NCKAP1: variants seen among roughly 807,000 people sequenced by gnomAD.
The protein encoded by NCKAP1 is NCK associated protein 1, also known as nck-associated protein 1.
In NCKAP1, 21 loss-of-function variants were observed where a neutral mutation model predicts 151.2. That is an observed-to-expected ratio of 0.14 (90% CI 0.10 to 0.20). The LOEUF is 0.20. Among genes scored for constraint, NCKAP1 ranks in the 10% least tolerant of loss-of-function variants. NCKAP1 has a pLI of 1.00. For synonymous variants in NCKAP1, 484 were observed against 451.8 expected, an observed-to-expected ratio of 1.07 and a Z score of -0.90; for missense variants, 933 against 1,352.1, an observed-to-expected ratio of 0.69 and a Z score of 4.86.
intron 1 of NCKAP1, among the ~76,000 whole-genome samples, chr2:183,033,644 C>G (rs1699048432): frequency 6.6e-6 from 1 of 152,134 alleles, no homozygotes; most frequent in Non-Finnish European, 1.5e-5. Context: ...TTGAGAGTAA[C>G]TGAAAGAATA....
rs992370493 is a variant in NCKAP1, at chr2:182,925,286, A to T, written c.*416T>A. ...CACATCCAATGTTGTTTTCAATAAG[A>T]ACCATAGGTACAGATCAGAACTCTT... On this transcript the variant is annotated 3_prime_UTR_variant, in exon 31 of 31. Coordinates refer to ENST00000361354, the MANE Select transcript of NCKAP1 (RefSeq NM_013436.5). The T allele has an allele frequency of 6.6e-6, 1 of 152,286 alleles. No homozygotes were observed. The highest frequency in any genetic ancestry group is 1.5e-5 in the Non-Finnish European group (1 of 68,062). 9.4% of individuals were successfully genotyped at this position (152,286 alleles called of 1,614,324 possible). A position where few individuals can be genotyped will look rare whatever the true frequency, so the allele number is the denominator to read the frequency against.
At chr2:182,972,180 G>A (rs184849696) in intron 15 of NCKAP1, among the ~76,000 whole-genome samples, 177 of 139,662 alleles carry the variant, frequency 1.3e-3, no homozygotes, top group Non-Finnish European at 2.4e-3. Flanking sequence ...AACAGACAAG[G>A]CATTAACAAT....
At chr2:183,008,685 C>T (rs754404936) in intron 2 of NCKAP1, among the ~76,000 whole-genome samples, 2 of 152,152 alleles carry the variant, frequency 1.3e-5, no homozygotes, top group Non-Finnish European at 2.9e-5. Context: ...GTAGATACTA[C>T]CAATTTTAAA....
chr2:182,942,131 T>C lies in NCKAP1; in HGVS notation c.2634A>G (p.Thr878=). The part of the protein sequence containing the change: ...KLVVENVDVL[T]QMRTSFDKPD... ...GTTTGTCAAAGCTGGTCCTCATTTGTGTTAACACATCAACATTCTCCACCA... is the reference window on the plus strand; with the variant it reads ...GTTTGTCAAAGCTGGTCCTCATTTGCGTTAACACATCAACATTCTCCACCA... The change falls in exon 24 of 31, where the codon ACA becomes ACG. Residue 878 remains threonine, a synonymous_variant. Coordinates refer to ENST00000361354, the MANE Select transcript of NCKAP1 (RefSeq NM_013436.5). 3.7e-6 allele frequency: 6 copies of C among 1,613,468 alleles called. No homozygotes were observed. In the Middle Eastern group the frequency reaches 6.6e-4, roughly 178 times the overall value.
chr2:183,028,879 C>T (rs774331903), intron 1 of NCKAP1, among the ~76,000 whole-genome samples: 1 of 151,270 alleles, frequency 6.6e-6, no homozygotes, highest in Non-Finnish European at 1.5e-5. Context: ...TTTGGGAGGC[C>T]GAGGTGGGCA....
intron 20 of NCKAP1, among the ~76,000 whole-genome samples, chr2:182,954,613 C>A (rs1697286607): frequency 6.6e-6 from 1 of 152,092 alleles, no homozygotes; most frequent in South Asian, 2.1e-4. Context: ...TGGCGAAACC[C>A]CGTCTCTACT....
chr2:183,021,821 C>G (rs1698803141), intron 2 of NCKAP1, among the ~76,000 whole-genome samples: 1 of 152,048 alleles, frequency 6.6e-6, no homozygotes, highest in East Asian at 1.9e-4. Context: ...CTAATGGGCA[C>G]AAAGTTTCTT....
intron 17 of NCKAP1, among the ~76,000 whole-genome samples, chr2:182,964,376 A>G (rs1426890602): frequency 6.6e-6 from 1 of 152,200 alleles, no homozygotes; most frequent in African/African-American, 2.4e-5. Context: ...AGGAAAATTA[A>G]GTATACAAAA....
At chr2:182,990,557 T>C (rs1698147123) in intron 8 of NCKAP1, among the ~76,000 whole-genome samples, 1 of 152,184 alleles carries the variant, frequency 6.6e-6, no homozygotes, top group African/African-American at 2.4e-5. Context: ...ACATGCTGAC[T>C]GATATCCTCT....
intron 1 of NCKAP1, among the ~76,000 whole-genome samples, chr2:183,029,997 T>C (rs1273601296): frequency 6.6e-6 from 1 of 152,170 alleles, no homozygotes; most frequent in East Asian, 1.9e-4. Flanking sequence ...TCTGAAAAAT[T>C]AAGTAACTTG....
chr2:183,004,881 T>C (rs564805337), intron 2 of NCKAP1, among the ~76,000 whole-genome samples: 1 of 30,410 alleles, frequency 3.3e-5, no homozygotes, highest in Non-Finnish European at 7.0e-5. Flanking sequence ...TGAGACTCCA[T>C]CTCAAAAAAA....
rs946410375 is a variant in NCKAP1, at chr2:182,995,025, C to T, written c.742-138G>A. On this transcript the variant is annotated intron_variant, in intron 7 of 30. Coordinates refer to ENST00000361354, the MANE Select transcript of NCKAP1 (RefSeq NM_013436.5). ...ATACTACCACAACAAATTTGAAGAG[C>T]TGGATAAAAGTTTTATTACCTATAC... is the stretch of plus-strand genomic sequence containing the variant. 6 of 681,328 alleles carry T rather than the reference C, an allele frequency of 8.8e-6. No individual in the cohort carries two copies. In the Admixed American group the frequency reaches 1.8e-4, roughly 20 times the overall value. The allele number at this position is 681,328 out of a possible 1,614,324, so 42.2% of individuals were successfully genotyped here. A position where few individuals can be genotyped will look rare whatever the true frequency, so the allele number is the denominator to read the frequency against.
chr2:182,925,741 G>T lies in NCKAP1; in HGVS notation c.3348C>A (p.Tyr1116Ter). The T allele has an allele frequency of 6.3e-7, 1 of 1,588,468 alleles. No individual in the cohort carries two copies. The highest frequency in any genetic ancestry group is 8.6e-7 in the Non-Finnish European group (1 of 1,168,236). ...TAACACTTTGTTTGTAGACAGCATG[G>T]TATGCATTTCTCAGCAAGACATAAG... is the stretch of plus-strand genomic sequence containing the variant. The part of the protein sequence containing the change: ...CFPYVLLRNA[Y>*]HAVYKQSVTS... Residue 1116 changes from tyrosine to a stop codon, truncating the protein, a stop_gained, in exon 31 of 31, where the codon TAC (tyrosine) becomes TAA (stop). Coordinates refer to ENST00000361354, the MANE Select transcript of NCKAP1 (RefSeq NM_013436.5). LOFTEE classifies it high-confidence loss of function.
In NCKAP1 at chr2:183,038,131, G is replaced by C. The variant is rs774612088; in HGVS notation, c.-32C>G. ...GCTGGTGCCGCCGCCGCCGCCGGCCGCCTCGCGCCCAGTCACGGGCCCGCG... is the reference window on the plus strand; with the variant it reads ...GCTGGTGCCGCCGCCGCCGCCGGCCCCCTCGCGCCCAGTCACGGGCCCGCG... On this transcript the variant is annotated 5_prime_UTR_variant, in exon 1 of 31. Coordinates refer to ENST00000361354, the MANE Select transcript of NCKAP1 (RefSeq NM_013436.5). 33 of 1,488,300 alleles carry C rather than the reference G, an allele frequency of 2.2e-5. No homozygotes were observed. The highest frequency in any genetic ancestry group is 8.9e-7 in the Non-Finnish European group (1 of 1,119,182). 92.2% of individuals were successfully genotyped at this position (1,488,300 alleles called of 1,614,324 possible). A position where few individuals can be genotyped will look rare whatever the true frequency, so the allele number is the denominator to read the frequency against.
At chr2:182,982,731 A>G in intron 12 of NCKAP1, 90 bp downstream of exon 12, 1 of 793,208 alleles carries the variant, frequency 1.3e-6, no homozygotes, top group South Asian at 2.2e-5. Flanking sequence ...AATATTTTCA[A>G]CTTACAATAG....
At chr2:182,988,965 T>C in intron 9 of NCKAP1, 65 bp downstream of exon 9, 5 of 1,436,012 alleles carry the variant, frequency 3.5e-6, no homozygotes, top group South Asian at 1.3e-5. Context: ...TCCCCAAAAC[T>C]TCAGTAAAGA....
chr2:182,995,824 T>C lies in NCKAP1; in HGVS notation c.618A>G (p.Ala206=), dbSNP rs757242715. The change falls in exon 7 of 31, where the codon GCA becomes GCG. Residue 206 remains alanine (A), a synonymous_variant. Transcript: ENST00000361354. ...FVPHSKSLSD[A]LISLQMVYPR... Reference sequence around the variant, plus strand: ...GATATACCATTTGAAGAGAAATTAGTGCATCTGAAAGAGACTAATTAAAAT... The same window carrying C: ...GATATACCATTTGAAGAGAAATTAGCGCATCTGAAAGAGACTAATTAAAAT... 36 of 1,611,066 alleles carry C rather than the reference T, an allele frequency of 2.2e-5. No homozygotes were observed. In the South Asian group the frequency reaches 3.1e-4, roughly 14 times the overall value.
chr2:183,028,783 T>C (rs1698948122), intron 1 of NCKAP1, among the ~76,000 whole-genome samples: 1 of 152,116 alleles, frequency 6.6e-6, no homozygotes, highest in Non-Finnish European at 1.5e-5. Flanking sequence ...TGGATACACA[T>C]AGTGAGTTCT....
At chr2:183,021,029 A>C (rs1698788416) in intron 2 of NCKAP1, among the ~76,000 whole-genome samples, 2 of 152,258 alleles carry the variant, frequency 1.3e-5, no homozygotes, top group South Asian at 4.1e-4. Context: ...CTTTGCAAAC[A>C]AAACAAAGTA....
Sources: allele counts gnomAD v4.1 joint callset (sites outside exome capture counted in the v4.1 genomes callset), GRCh38; gene constraint gnomAD v4.1.1; transcripts MANE v1.5; gene names NCBI Gene and HGNC (gene_info 2026-07-23, HGNC 2026-07-21).